Variants in DGKI observed in about 807,000 individuals in gnomAD.
The protein encoded by DGKI is diacylglycerol kinase iota.
A neutral mutation model predicts 147.5 loss-of-function variants in DGKI; 55 were observed. The ratio of observed to expected loss-of-function variants is 0.37; its 90% CI spans 0.30 to 0.47. DGKI has a LOEUF of 0.47. Ranked by LOEUF, DGKI falls within the 20% of genes least tolerant of loss-of-function variation. The pLI is 1.00. For synonymous variants in DGKI, 469 were observed against 477.1 expected (o/e 0.98, Z 0.22); for missense variants, 1,007 against 1,323.8 (o/e 0.76, Z 3.71).
At chr7:137,822,641 C>A (rs1797938777) in intron 1 of DGKI, among the ~76,000 whole-genome samples, 1 of 151,948 alleles carries the variant, frequency 6.6e-6, no homozygotes, top group South Asian at 2.1e-4. Context: ...GATCATCAGA[C>A]ATTTGAACAG....
chr7:137,789,870 C>G (rs1796796287), intron 1 of DGKI, among the ~76,000 whole-genome samples: 1 of 152,202 alleles, frequency 6.6e-6, no homozygotes, highest in Non-Finnish European at 1.5e-5. Flanking sequence ...AAAATATTAT[C>G]TGTAGTAGAT....
intron 21 of DGKI, among the ~76,000 whole-genome samples, chr7:137,498,083 T>G (rs1372728396): frequency 1.3e-5 from 2 of 151,826 alleles, no homozygotes; most frequent in Non-Finnish European, 2.9e-5. Context: ...AATTATAATA[T>G]TAAATGATAC....
At position 137,430,874 on chromosome 7, in the gene DGKI, C is replaced by T. The variant is rs116946054; in HGVS notation, c.2761+13203G>A. Among the ~76,000 whole-genome samples the T allele has an allele frequency of 3.3e-5, 5 of 152,072 alleles. No homozygotes were observed. In the East Asian group the frequency reaches 9.7e-4, roughly 30 times the overall value. On this transcript the variant is annotated intron_variant, in intron 28 of 32. Transcript: ENST00000614521. ...TCAGGAATAGCGGGAAAATGAGATGCTGAGAGAACCCCATTCAGGACTCAG... is the reference window on the plus strand; with the variant it reads ...TCAGGAATAGCGGGAAAATGAGATGTTGAGAGAACCCCATTCAGGACTCAG...
chr7:137,718,473 A>C (rs954682972), intron 1 of DGKI, among the ~76,000 whole-genome samples: 1 of 152,170 alleles, frequency 6.6e-6, no homozygotes, highest in Non-Finnish European at 1.5e-5. Context: ...TATTACAAAA[A>C]AGGGAGAGGC....
At chr7:137,550,067 A>G (rs906963850) in intron 20 of DGKI, among the ~76,000 whole-genome samples, 3 of 152,192 alleles carry the variant, frequency 2.0e-5, no homozygotes, top group African/African-American at 7.2e-5. Context: ...CCCATTTCTC[A>G]TAAGTCTTTC....
chr7:137,662,786 C>T (rs984385762), intron 3 of DGKI, among the ~76,000 whole-genome samples: 1 of 152,132 alleles, frequency 6.6e-6, no homozygotes, highest in Non-Finnish European at 1.5e-5. Flanking sequence ...GTAAAGACTC[C>T]ATGTGTTTGT....
chr7:137,806,990 G>A (rs954861979), intron 1 of DGKI, among the ~76,000 whole-genome samples: 33 of 152,188 alleles, frequency 2.2e-4, no homozygotes, highest in Admixed American at 5.9e-4. Context: ...ATGAGCCCTC[G>A]AAATAAGGAG....
At chr7:137,690,900 G>A (rs1245276614) in intron 1 of DGKI, among the ~76,000 whole-genome samples, 1 of 152,168 alleles carries the variant, frequency 6.6e-6, no homozygotes, top group Non-Finnish European at 1.5e-5. Context: ...GGGATCATCA[G>A]GAACCGTGGA....
chr7:137,395,750 G>A, intron 31 of DGKI, 53 bp from the exon 32 acceptor site: 2 of 1,556,968 alleles, frequency 1.3e-6, no homozygotes, highest in Non-Finnish European at 1.8e-6. Context: ...GAGGCAGCAG[G>A]GAATGGGTGA....
intron 17 of DGKI, among the ~76,000 whole-genome samples, chr7:137,575,891 T>C (rs1818952780): frequency 6.6e-6 from 1 of 152,194 alleles, no homozygotes; most frequent in Non-Finnish European, 1.5e-5. Context: ...GTCTTATACA[T>C]GCTTTACTGG....
intron 20 of DGKI, among the ~76,000 whole-genome samples, chr7:137,542,717 G>A (rs1387822886): frequency 1.3e-5 from 2 of 151,996 alleles, no homozygotes; most frequent in African/African-American, 4.8e-5. Flanking sequence ...TAAACTTTAT[G>A]GAACTGTACA....
intron 1 of DGKI, among the ~76,000 whole-genome samples, chr7:137,705,644 A>G (rs1338794154): frequency 6.6e-6 from 1 of 152,174 alleles, no homozygotes; most frequent in Non-Finnish European, 1.5e-5. Flanking sequence ...TAATAAATAT[A>G]TAGATTATAC....
At chr7:137,793,994 T>C (rs555169159) in intron 1 of DGKI, among the ~76,000 whole-genome samples, 49 of 152,330 alleles carry the variant, frequency 3.2e-4, no homozygotes, top group African/African-American at 1.1e-3. Context: ...ATAATTCTTA[T>C]ATAAACCCTC....
At chr7:137,673,293 C>T in intron 3 of DGKI, among the ~76,000 whole-genome samples, 1 of 152,116 alleles carries the variant, frequency 6.6e-6, no homozygotes, top group South Asian at 2.1e-4. Context: ...GGTGTGAGAA[C>T]CAGGCCACGG....
intron 20 of DGKI, among the ~76,000 whole-genome samples, chr7:137,543,517 G>A (rs771255079): frequency 6.6e-6 from 1 of 151,828 alleles, no homozygotes; most frequent in Non-Finnish European, 1.5e-5. Flanking sequence ...CTCCATTCCT[G>A]GAGAAAAAGT....
At chr7:137,511,686 G>T (rs1214286268) in intron 21 of DGKI, among the ~76,000 whole-genome samples, 2 of 152,174 alleles carry the variant, frequency 1.3e-5, no homozygotes, top group Non-Finnish European at 2.9e-5. Flanking sequence ...GCTCTTTCTT[G>T]GCCTTAGTTC....
intron 3 of DGKI, among the ~76,000 whole-genome samples, chr7:137,657,562 G>A (rs1238008407): frequency 6.6e-6 from 1 of 152,192 alleles, no homozygotes; most frequent in Non-Finnish European, 1.5e-5. Flanking sequence ...AGGACAGACT[G>A]GAAGGAGGAT....
chr7:137,642,929 A>AGTGTGTGTGT (rs1207086851), intron 6 of DGKI, among the ~76,000 whole-genome samples: 8,508 of 121,036 alleles, frequency 0.07, 432 homozygotes, highest in Non-Finnish European at 0.077. Context: ...ATTATGGAAT[A>AGTGTGTGTGT]GTGTGTGTGT....
At chr7:137,765,296 A>AT (rs964413844) in intron 1 of DGKI, among the ~76,000 whole-genome samples, 8 of 152,238 alleles carry the variant, frequency 5.3e-5, no homozygotes, top group African/African-American at 1.9e-4. Context: ...TGTATCGTTG[A>AT]TTTTTTTATT....
Sources: gnomAD v4.1 joint callset for allele counts (sites outside exome capture counted in the v4.1 genomes callset) on GRCh38, gnomAD v4.1.1 for gene constraint, MANE v1.5 for transcripts, NCBI Gene and HGNC (gene_info 2026-07-23, HGNC 2026-07-21) for gene names.